TEX36: variants seen among roughly 807,000 people sequenced by gnomAD.
TEX36 encodes the protein testis expressed 36.
Under a neutral mutation model 13.6 loss-of-function variants are expected in TEX36, and 12 were observed. That is an observed-to-expected ratio of 0.88 (90% confidence interval 0.56 to 1.43). The LOEUF is 1.43. Ranked by LOEUF, TEX36 falls within the 40% of genes most tolerant of loss-of-function variation. TEX36 has a pLI of 0.00. For missense variants in TEX36, 224 were observed against 228.3 expected, an observed-to-expected ratio of 0.98 and a Z score of 0.12; for synonymous variants, 93 against 83.0, an observed-to-expected ratio of 1.12 and a Z score of -0.65.
intron 1 of TEX36, among the ~76,000 whole-genome samples, chr10:125,670,450 G>A (rs779735711): frequency 6.6e-6 from 1 of 151,788 alleles, no homozygotes; most frequent in Non-Finnish European, 1.5e-5. Context: ...TTTTTTTCTT[G>A]TAAATTTGTT....
rs111460357 is a variant in TEX36, at chr10:125,636,627, G to A, written c.265-14982C>T. Among the ~76,000 whole-genome samples the A allele has an allele frequency of 5.5e-4, 83 of 152,102 alleles. 1 individual carries two copies. The highest frequency in any genetic ancestry group is 1.8e-3 in the African/African-American group (75 of 41,508). ...TCACAAATACGAACTTTCTAAACCCGTGTTCCAGTTCTGTAAATCTGCCCA... is the reference window on the plus strand; with the variant it reads ...TCACAAATACGAACTTTCTAAACCCATGTTCCAGTTCTGTAAATCTGCCCA... On this transcript the variant is annotated intron_variant, in intron 3 of 3. Transcript: ENST00000526819.
chr10:125,614,496 A>C (rs1023641612), intron 3 of TEX36, among the ~76,000 whole-genome samples: 11 of 151,814 alleles, frequency 7.2e-5, no homozygotes, highest in Admixed American at 3.9e-4. Flanking sequence ...AGCTTTCTAC[A>C]TATGGCTAGC....
chr10:125,644,440 C>A (rs983640491), intron 3 of TEX36, among the ~76,000 whole-genome samples: 11 of 147,686 alleles, frequency 7.4e-5, no homozygotes, highest in African/African-American at 2.5e-4. Flanking sequence ...TAAAAAAAAA[C>A]AATACTGAAA....
chr10:125,606,592 G>A (rs117162755), intron 3 of TEX36, among the ~76,000 whole-genome samples: 271 of 152,286 alleles, frequency 1.8e-3, no homozygotes, highest in Non-Finnish European at 3.3e-3. Flanking sequence ...TATCAGATCA[G>A]GGGGTGGAAG....
intron 3 of TEX36, among the ~76,000 whole-genome samples, chr10:125,594,671 T>C (rs983686795): frequency 6.6e-6 from 1 of 152,072 alleles, no homozygotes; most frequent in Non-Finnish European, 1.5e-5. Context: ...TATTAAAGAG[T>C]GAATGACAAA....
intron 2 of TEX36, among the ~76,000 whole-genome samples, chr10:125,661,632 G>A (rs7074413): frequency 0.026 from 3,992 of 152,296 alleles, 185 homozygotes; most frequent in African/African-American, 0.091. Flanking sequence ...CTTCTTGTTC[G>A]TGGAGGAGCC....
intron 3 of TEX36, among the ~76,000 whole-genome samples, chr10:125,603,431 G>T (rs2133544806): frequency 6.6e-6 from 1 of 151,996 alleles, no homozygotes; most frequent in East Asian, 1.9e-4. Context: ...CGTTGCCTGA[G>T]CCCATTTCCC....
At chr10:125,594,112 G>C (rs1047489548) in intron 3 of TEX36, among the ~76,000 whole-genome samples, 1 of 152,120 alleles carries the variant, frequency 6.6e-6, no homozygotes, top group African/African-American at 2.4e-5. Context: ...GAAGGACCCA[G>C]CTGCCATCTG....
intron 3 of TEX36, among the ~76,000 whole-genome samples, chr10:125,583,864 C>T (rs903974437): frequency 5.3e-5 from 8 of 152,154 alleles, no homozygotes; most frequent in Admixed American, 3.3e-4. Context: ...TCTTCCCATC[C>T]GTGTACTCCA....
At chr10:125,617,690 C>A (rs890029324), downstream of TEX36, among the ~76,000 whole-genome samples, 36 of 151,804 alleles carry the variant, frequency 2.4e-4, no homozygotes, top group Non-Finnish European at 4.0e-4. Context: ...TTGAGGGTAA[C>A]CTGACCTTTC....
At position 125,683,159 on chromosome 10, in the gene TEX36, C is replaced by CGGGT. The variant is rs1271976615; in HGVS notation, c.-174_-171dup. ...CAGCCTCTTCCAGGAGGGGAAGGTG[C>CGGGT]GGGTGCCCATTGTTGTCATGGAATG... On this transcript the variant is annotated 5_prime_UTR_variant, in exon 1 of 4. Coordinates refer to ENST00000368821, the MANE Select transcript of TEX36 (RefSeq NM_001128202.3). 2.7e-6 allele frequency: 2 copies of CGGGT among 743,304 alleles called. No homozygotes were observed. The highest frequency in any genetic ancestry group is 4.5e-6 in the Non-Finnish European group (2 of 442,040). 46.0% of individuals were successfully genotyped at this position (743,304 alleles called of 1,614,324 possible).
chr10:125,666,810 G>A (rs1589783770), intron 1 of TEX36: 1 of 262,630 alleles, frequency 3.8e-6, no homozygotes, highest in Non-Finnish European at 7.4e-6. Context: ...TGAGGAGAAG[G>A]CCCGCTCTTC....
chr10:125,596,934 C>T (rs889928276), intron 3 of TEX36, among the ~76,000 whole-genome samples: 1 of 152,192 alleles, frequency 6.6e-6, no homozygotes, highest in Admixed American at 6.5e-5. Context: ...TAACTCGCCT[C>T]ATCTGTAAAA....
In TEX36 at chr10:125,661,013, A is replaced by G. The variant is rs1232611110; in HGVS notation, c.264+8T>C. 1.3e-6 allele frequency: 2 copies of G among 1,548,752 alleles called. No homozygotes were observed. The highest frequency in any genetic ancestry group is 1.7e-6 in the Non-Finnish European group (2 of 1,144,356). On this transcript the variant is annotated splice_region_variant and intron_variant, in intron 3 of 3. Transcript: ENST00000368821. ...TGTTTTATTAATAATTTGGAAAGAA[A>G]TACTCACGGAGTCAAGGTAGCATCC... is the stretch of plus-strand genomic sequence containing the variant.
Position 125,661,830 on chromosome 10 carries a change from A to C in TEX36, c.183+16T>G. 6.4e-7 allele frequency: 1 copy of C among 1,551,652 alleles called. No individual in the cohort carries two copies. The highest frequency in any genetic ancestry group is 1.2e-5 in the South Asian group (1 of 84,054). On this transcript the variant is annotated intron_variant, in intron 2 of 3. Coordinates refer to ENST00000368821, the MANE Select transcript of TEX36 (RefSeq NM_001128202.3). ...TCCACAGGAGCACATGGCAGTGGCC[A>C]GTGTTCAGGACTCACCTTCTCCCGG...
intron 3 of TEX36, among the ~76,000 whole-genome samples, chr10:125,627,378 A>G (rs1353947368): frequency 1.3e-5 from 2 of 152,324 alleles, no homozygotes; most frequent in African/African-American, 4.8e-5. Context: ...TGGGATTCCT[A>G]GGGCAGTATT....
chr10:125,585,835 T>A (rs988672896), intron 3 of TEX36, among the ~76,000 whole-genome samples: 2 of 152,254 alleles, frequency 1.3e-5, no homozygotes, highest in Non-Finnish European at 2.9e-5. Context: ...CCATGTCACA[T>A]AAAACTTTCA....
At chr10:125,626,688 G>A (rs772316488) in intron 3 of TEX36, among the ~76,000 whole-genome samples, 20 of 152,166 alleles carry the variant, frequency 1.3e-4, no homozygotes, top group Non-Finnish European at 2.4e-4. Flanking sequence ...GGGCAATCAG[G>A]GAGGGCTTTC....
chr10:125,678,225 A>T (rs1847340686), intron 1 of TEX36, among the ~76,000 whole-genome samples: 1 of 152,186 alleles, frequency 6.6e-6, no homozygotes, highest in Admixed American at 6.5e-5. Flanking sequence ...TGGATAGAGT[A>T]CTTTGGCTTT....
Sources: allele counts gnomAD v4.1 joint callset (sites outside exome capture counted in the v4.1 genomes callset), GRCh38; gene constraint gnomAD v4.1.1; transcripts MANE v1.5; gene names NCBI Gene and HGNC (gene_info 2026-07-23, HGNC 2026-07-21).